TTK: variants seen among roughly 807,000 people sequenced by gnomAD.
TTK encodes the protein dual specificity protein kinase TTK.
Under a neutral mutation model 117.3 loss-of-function variants are expected in TTK, and 59 were observed. That is an observed-to-expected ratio of 0.50 (90% CI 0.41 to 0.62). The LOEUF (loss-of-function observed/expected upper bound fraction) is 0.62, where lower values mean the gene tolerates loss of function less well. TTK is among the 20% of genes least tolerant of loss of function. The probability of loss-of-function intolerance (pLI) is 0.00; values close to 1 mark genes in which losing one functional copy is unlikely to be tolerated. For missense variants in TTK, 921 were observed against 989.4 expected, an observed-to-expected ratio of 0.93 and a Z score of 0.93; for synonymous variants, 302 against 325.0, an observed-to-expected ratio of 0.93 and a Z score of 0.76.
At chr6:80,024,720 T>C (rs2127676832) in intron 11 of TTK, among the ~76,000 whole-genome samples, 1 of 152,284 alleles carries the variant, frequency 6.6e-6, no homozygotes, top group East Asian at 1.9e-4. Flanking sequence ...CTAAAAACCA[T>C]TGAATAGTAC....
intron 12 of TTK, 44 bp downstream of exon 12, chr6:80,026,558 A>G (rs1194746279): frequency 6.2e-7 from 1 of 1,609,032 alleles, no homozygotes; most frequent in Admixed American, 1.7e-5. Flanking sequence ...GTGGTATGAT[A>G]GAATTAACAT....
chr6:80,010,784 A>G lies in TTK; in HGVS notation c.470-30A>G, dbSNP rs1238813868. ...CTGGGTGGTGGGCATTTTACTGCCT[A>G]AAAATGACAATTATCTTTTGCTTTG... On this transcript the variant is annotated intron_variant, in intron 4 of 21. Coordinates refer to ENST00000369798, the MANE Select transcript of TTK (RefSeq NM_003318.5). The G allele has an allele frequency of 5.7e-6, 8 of 1,394,304 alleles. No homozygotes were observed. In the East Asian group the frequency reaches 1.7e-4, roughly 30 times the overall value. 86.4% of individuals were successfully genotyped at this position (1,394,304 alleles called of 1,614,324 possible). A position where few individuals can be genotyped will look rare whatever the true frequency, so the allele number is the denominator to read the frequency against.
rs1285242580 is a variant in TTK at position 80,014,539 on chromosome 6, T to A, written c.1061T>A (p.Ile354Lys). The change falls in exon 10 of 22, where the codon ATA becomes AAA. Residue 354 changes from isoleucine (I) to lysine (K), a missense_variant. Physicochemically the swap from Ile to Lys is moderately radical, Grantham distance 102. Transcript: ENST00000369798. ...TCTGAACTTATTATTACTGATTCAA[T>A]AACCCTGAAGAATAAAACGGAATCA... ...KSSELIITDSITLKNKTESSL... is the reference protein window; with the variant it reads ...KSSELIITDSKTLKNKTESSL... The A allele has an allele frequency of 6.2e-7, 1 of 1,608,698 alleles. No homozygotes were observed. Among genetic ancestry groups the A allele is most frequent in the African/African-American group, 1.3e-5 (1 of 74,714 alleles).
chr6:80,031,726 A>G (rs960698455), intron 14 of TTK, among the ~76,000 whole-genome samples, 167 bp downstream of exon 14: 19 of 152,112 alleles, frequency 1.2e-4, no homozygotes, highest in Middle Eastern at 3.2e-3. Context: ...TGCCCCTCAC[A>G]TGTGACATAT....
At chr6:80,039,621 T>C (rs968280544) in intron 18 of TTK, 75 bp from the exon 19 acceptor site, 14 of 1,090,012 alleles carry the variant, frequency 1.3e-5, no homozygotes, top group Admixed American at 3.4e-5. Flanking sequence ...TAAATATGTA[T>C]ATTTAATATA....
chr6:80,008,466 C>G lies in TTK; in HGVS notation c.443C>G (p.Ser148Cys), dbSNP rs145266061. Residue 148 changes from serine (S) to cysteine (C), a missense_variant, in exon 4 of 22, where the codon TCT (serine) becomes TGT (cysteine). Coordinates refer to ENST00000369798, the MANE Select transcript of TTK (RefSeq NM_003318.5). ...AAGAAATTTGCTTTTGTTCATATATCTTTTGCACAATTTGAACTGTCACAA... is the reference window on the plus strand; with the variant it reads ...AAGAAATTTGCTTTTGTTCATATATGTTTTGCACAATTTGAACTGTCACAA... The part of the protein sequence containing the change: ...NCKKFAFVHI[S>C]FAQFELSQGN... 154 of 1,611,624 alleles carry G rather than the reference C, an allele frequency of 9.6e-5. No homozygotes were observed. The African/African-American group carries it at 2.0e-3, about 21-fold the overall frequency.
Position 80,022,394 on chromosome 6 carries a change from A to G in TTK, c.1179A>G (p.Ser393=), listed in dbSNP as rs1767483734. 1.2e-6 allele frequency: 2 copies of G among 1,614,082 alleles called. No individual in the cohort carries two copies. Among genetic ancestry groups the G allele is most frequent in the Non-Finnish European group, 1.7e-6 (2 of 1,179,982 alleles). Residue 393 remains serine (S), a synonymous_variant, in exon 11 of 22, where the codon TCA becomes TCG. Coordinates refer to ENST00000369798, the MANE Select transcript of TTK (RefSeq NM_003318.5). ...AACAGTGGCAATCTAAGAGAAAGTC[A>G]GAGTGTATTAACCAGAATCCTGCTG... The part of the protein sequence containing the change: ...NQKQWQSKRK[S]ECINQNPAAS...
intron 10 of TTK, among the ~76,000 whole-genome samples, chr6:80,021,792 C>G (rs536910336): frequency 1.3e-5 from 2 of 152,128 alleles, no homozygotes; most frequent in Non-Finnish European, 2.9e-5. Context: ...AACTCCATCT[C>G]TGCTTGGTTT....
intron 12 of TTK, 92 bp downstream of exon 12, chr6:80,026,606 C>G: frequency 1.3e-6 from 2 of 1,528,490 alleles, no homozygotes; most frequent in Non-Finnish European, 1.8e-6. Context: ...TTAAATCCTG[C>G]TCTTTTACTT....
At chr6:80,011,393 T>C in intron 5 of TTK, 41 bp from the exon 6 acceptor site, 2 of 1,368,568 alleles carry the variant, frequency 1.5e-6, no homozygotes, top group Non-Finnish European at 2.0e-6. Flanking sequence ...GTACTTGTCT[T>C]ATTTCTTATA....
At chr6:80,011,830 G>T (rs375227140) in intron 7 of TTK, 29 bp downstream of exon 7, 12 of 1,612,100 alleles carry the variant, frequency 7.4e-6, no homozygotes, top group Admixed American at 1.7e-5. Context: ...GCTTGATTAA[G>T]GTGGTGATAG....
intron 10 of TTK, among the ~76,000 whole-genome samples, chr6:80,021,607 G>A (rs2078338559): frequency 1.3e-5 from 2 of 152,326 alleles, no homozygotes; most frequent in South Asian, 2.1e-4. Context: ...GAGTGAAGGG[G>A]TTTAAAAAGG....
At chr6:80,029,949 A>G (rs1337048829) in intron 13 of TTK, among the ~76,000 whole-genome samples, 1 of 152,246 alleles carries the variant, frequency 6.6e-6, no homozygotes, top group Non-Finnish European at 1.5e-5. Context: ...TATGAAAGGA[A>G]GAAGACAGAG....
intron 10 of TTK, among the ~76,000 whole-genome samples, chr6:80,019,753 A>G (rs545130853): frequency 2.4e-4 from 37 of 152,326 alleles, no homozygotes; most frequent in African/African-American, 8.7e-4. Flanking sequence ...TGTCAAAAAA[A>G]ATCACACAAA....
chr6:80,014,921 C>T (rs1767265703), intron 10 of TTK, among the ~76,000 whole-genome samples: 1 of 152,052 alleles, frequency 6.6e-6, no homozygotes, highest in African/African-American at 2.4e-5. Context: ...GTTTGGTTTT[C>T]TACTGCATGG....
chr6:80,022,544 A>C, intron 11 of TTK, 72 bp downstream of exon 11: 2 of 1,469,016 alleles, frequency 1.4e-6, no homozygotes, highest in Admixed American at 4.2e-5. Context: ...TGATCATATT[A>C]AATGTTTTCT....
chr6:80,039,546 A>C (rs1007461410), intron 18 of TTK, 150 bp from the exon 19 acceptor site: 5 of 475,212 alleles, frequency 1.1e-5, no homozygotes, highest in Non-Finnish European at 1.6e-5. Context: ...AATGAAAACT[A>C]GAAAAAGATG....
intron 21 of TTK, among the ~76,000 whole-genome samples, chr6:80,041,019 A>G (rs1768036521): frequency 1.3e-5 from 2 of 151,798 alleles, no homozygotes; most frequent in African/African-American, 4.8e-5. Flanking sequence ...TTATTAATAC[A>G]GCTTTTGAAT....
intron 21 of TTK, among the ~76,000 whole-genome samples, chr6:80,040,956 C>T (rs1768034379): frequency 6.6e-6 from 1 of 151,804 alleles, no homozygotes; most frequent in Non-Finnish European, 1.5e-5. Flanking sequence ...TGTCACGTCT[C>T]AACTGGAATA....
Sources: gnomAD v4.1 joint callset for allele counts (sites outside exome capture counted in the v4.1 genomes callset) on GRCh38, gnomAD v4.1.1 for gene constraint, MANE v1.5 for transcripts, NCBI Gene and HGNC (gene_info 2026-07-23, HGNC 2026-07-21) for gene names.